The following ESPN variants were observed in gnomAD, a reference collection of about 807,000 sequenced individuals.
ESPN encodes the protein autosomal recessive deafness type 36 protein.
Under a neutral mutation model 77.7 loss-of-function variants are expected in ESPN, and 68 were observed. The ratio of observed to expected loss-of-function variants is 0.87; its 90% CI spans 0.72 to 1.07. ESPN has a LOEUF of 1.07. ESPN is among the 50% of genes least tolerant of loss of function. The pLI, the probability that ESPN is intolerant of heterozygous loss-of-function variation, is 0.00. For missense variants in ESPN, 1,060 were observed against 1,239.0 expected, an observed-to-expected ratio of 0.86 and a Z score of 2.17; for synonymous variants, 449 against 567.1, an observed-to-expected ratio of 0.79 and a Z score of 2.96.
chr1:6,428,282 C>A lies in ESPN; in HGVS notation c.351C>A (p.Pro117=), dbSNP rs763679338. The change falls in exon 2 of 13, where the codon CCC becomes CCA. Residue 117 remains proline (P), a synonymous_variant. Coordinates refer to ENST00000645284, the MANE Select transcript of ESPN (RefSeq NM_031475.3). This position sits in a 1 kb window ranked among gnomAD's most constrained non-coding sequence, Gnocchi z 5.4. Reference sequence around the variant, plus strand: ...ATCTGGCTGCCCGCTTCGGCCACCCCGAGGTGGTGAACTGGCTCTTGCATC... The same window carrying A: ...ATCTGGCTGCCCGCTTCGGCCACCCAGAGGTGGTGAACTGGCTCTTGCATC... ...VLHLAARFGH[P]EVVNWLLHHG... The A allele has an allele frequency of 6.2e-7, 1 of 1,613,460 alleles. No homozygotes were observed. Among genetic ancestry groups the A allele is most frequent in the East Asian group, 2.2e-5 (1 of 44,868 alleles).
At chr1:6,457,149 C>G (rs1644070623) in intron 10 of ESPN, 35 bp from the exon 11 acceptor site, 1 of 1,564,410 alleles carries the variant, frequency 6.4e-7, no homozygotes, top group African/African-American at 1.4e-5. Context: ...TCTCCCAGCC[C>G]CTGCAGGCCC....
Position 6,440,319 on chromosome 1 carries a change from T to C in ESPN, c.554T>C (p.Leu185Pro), listed in dbSNP as rs1471846725. Residue 185 changes from leucine (L) to proline (P), a missense_variant, in exon 3 of 13, where the codon CTG becomes CCG. This residue lies in a region of ESPN where 556 missense variants were observed against 633.6 expected (regional missense o/e 0.88). Coordinates refer to ENST00000645284, the MANE Select transcript of ESPN (RefSeq NM_031475.3). ...PLYLACQEGH[L>P]EVTQYLVQEC... ...TACCTGGCGTGCCAGGAGGGCCACCTGGAGGTGACCCAGTACCTGGTGCAG... is the reference window on the plus strand; with the variant it reads ...TACCTGGCGTGCCAGGAGGGCCACCCGGAGGTGACCCAGTACCTGGTGCAG... 1.4e-5 allele frequency: 22 copies of C among 1,567,584 alleles called. No individual in the cohort carries two copies. The highest frequency in any genetic ancestry group is 1.8e-5 in the Non-Finnish European group (21 of 1,156,424).
Position 6,460,870 on chromosome 1 carries a change from G to C in ESPN, c.*724G>C. 6.2e-6 allele frequency: 2 copies of C among 322,082 alleles called. No individual in the cohort carries two copies. The highest frequency in any genetic ancestry group is 1.8e-4 in the East Asian group (2 of 10,814). 20.0% of individuals were successfully genotyped at this position (322,082 alleles called of 1,614,324 possible). On this transcript the variant is annotated 3_prime_UTR_variant, in exon 13 of 13. Transcript: ENST00000645284. ...CCCTGACCCTGTGTCTCCAACTGCT[G>C]CACCCCATCCCGACCCTGTCTCCGC...
At position 6,424,897 on chromosome 1, in the gene ESPN, C is replaced by T. The variant is rs1389558529; in HGVS notation, c.-59C>T. ...CGGGCTCCTCTGGCCCGCAAGAACA[C>T]GTGCATGGCGTCCTGGGGAAGGCGC... On this transcript the variant is annotated 5_prime_UTR_variant, in exon 1 of 13. In the 5' UTR this introduces an upstream ATG that the reference lacks. Coordinates refer to ENST00000645284, the MANE Select transcript of ESPN (RefSeq NM_031475.3). 5 of 1,383,678 alleles carry T rather than the reference C, an allele frequency of 3.6e-6. No homozygotes were observed. Among genetic ancestry groups the T allele is most frequent in the Non-Finnish European group, 3.7e-6 (4 of 1,068,342 alleles). 85.7% of individuals were successfully genotyped at this position (1,383,678 alleles called of 1,614,324 possible).
chr1:6,437,171 C>T lies in ESPN; in HGVS notation c.489-3083C>T, dbSNP rs4908895. 11,433 of 152,322 alleles carry T rather than the reference C, an allele frequency of 0.075. 470 individuals are homozygous for T. Among genetic ancestry groups the T allele is most frequent in the Non-Finnish European group, 0.086 (5,835 of 68,034 alleles). 9.4% of individuals were successfully genotyped at this position (152,322 alleles called of 1,614,324 possible). ...AACTTGGGCTGGGAATGCCAGCCAGCGGCCCTGCAGGAGGCTGTGGGTACC... is the reference window on the plus strand; with the variant it reads ...AACTTGGGCTGGGAATGCCAGCCAGTGGCCCTGCAGGAGGCTGTGGGTACC... On this transcript the variant is annotated intron_variant, in intron 2 of 12. Transcript: ENST00000645284. This position sits in a 1 kb window ranked among gnomAD's most constrained non-coding sequence, Gnocchi z 4.5.
At chr1:6,444,717 G>A in intron 6 of ESPN, 35 bp downstream of exon 6, 2 of 1,612,206 alleles carry the variant, frequency 1.2e-6, no homozygotes, top group Non-Finnish European at 1.7e-6. Flanking sequence ...GGGAGGGAGA[G>A]CAGACTGAAG....
intron 10 of ESPN, among the ~76,000 whole-genome samples, chr1:6,452,333 T>C (rs764819844): frequency 2.6e-5 from 4 of 151,980 alleles, no homozygotes; most frequent in Non-Finnish European, 4.4e-5. Context: ...GCCTCCCAGG[T>C]AGCTGGGATT....
At chr1:6,442,475 G>A (rs1643672289) in intron 5 of ESPN, among the ~76,000 whole-genome samples, 1 of 151,912 alleles carries the variant, frequency 6.6e-6, no homozygotes, top group African/African-American at 2.4e-5. Context: ...TCGGGAGGCT[G>A]AGGCAGGAAA....
rs1338396090 is a variant in ESPN, at chr1:6,445,774, C to A, written c.1303C>A (p.Pro435Thr). The A allele has an allele frequency of 6.8e-7, 1 of 1,476,810 alleles. No individual in the cohort carries two copies. Among genetic ancestry groups the A allele is most frequent in the African/African-American group, 1.4e-5 (1 of 70,256 alleles). 91.5% of individuals were successfully genotyped at this position (1,476,810 alleles called of 1,614,324 possible). A position where few individuals can be genotyped will look rare whatever the true frequency, so the allele number is the denominator to read the frequency against. The change falls in exon 7 of 13, where the codon CCC becomes ACC. Residue 435 changes from proline to threonine, a missense_variant. Physicochemically the swap from Pro to Thr is conservative, Grantham distance 38 (BLOSUM62 -1). Transcript: ENST00000645284. ...GAAGCCCACACCCCCACCACCCCCACCCAGCTTCCCCCCGCCACCCCCGCC... is the reference window on the plus strand; with the variant it reads ...GAAGCCCACACCCCCACCACCCCCAACCAGCTTCCCCCCGCCACCCCCGCC... ...IGKPTPPPPP[P>T]SFPPPPPPPG...
chr1:6,424,987 G>A lies in ESPN; in HGVS notation c.32G>A (p.Arg11Gln), dbSNP rs1459966352. Reference protein sequence around the residue: MALEQALQAARQGELDVLRSL... With the variant: MALEQALQAAQQGELDVLRSL... ...CTGGAGCAGGCGCTGCAGGCGGCGC[G>A]GCAGGGCGAGCTGGACGTGCTGAGG... The change falls in exon 1 of 13, where the codon CGG becomes CAG. Residue 11 changes from arginine (R) to glutamine (Q), a missense_variant. Transcript: ENST00000645284. The A allele has an allele frequency of 4.1e-6, 6 of 1,458,946 alleles. No individual in the cohort carries two copies. The South Asian group carries it at 6.5e-5, about 16-fold the overall frequency. 90.4% of individuals were successfully genotyped at this position (1,458,946 alleles called of 1,614,324 possible). A position where few individuals can be genotyped will look rare whatever the true frequency, so the allele number is the denominator to read the frequency against.
Position 6,451,463 on chromosome 1 carries a change from A to T in ESPN, c.1916-140A>T, listed in dbSNP as rs1643941239. The T allele has an allele frequency of 8.2e-7, 1 of 1,216,124 alleles. No individual in the cohort carries two copies. Among genetic ancestry groups the T allele is most frequent in the East Asian group, 2.6e-5 (1 of 39,202 alleles). 75.3% of individuals were successfully genotyped at this position (1,216,124 alleles called of 1,614,324 possible). ...CTGAAACCTGCCTGCAGGACCTGGG[A>T]TCTGGAGAGCTGCCCGCTGGCCCGG... On this transcript the variant is annotated intron_variant, in intron 8 of 12. Coordinates refer to ENST00000645284, the MANE Select transcript of ESPN (RefSeq NM_031475.3). The surrounding 1 kb of genome is among the most constrained non-coding windows in gnomAD (Gnocchi z 4.3).
rs549610807 is a variant in ESPN at position 6,438,834 on chromosome 1, G to A, written c.489-1420G>A. ...ATGGTCATAGTAATAGTTGATGGCC[G>A]GGTGCGGTGGCTCACACCTGTAATC... is the stretch of plus-strand genomic sequence containing the variant. On this transcript the variant is annotated intron_variant, in intron 2 of 12. Transcript: ENST00000645284. Among the ~76,000 whole-genome samples the A allele has an allele frequency of 2.0e-5, 3 of 152,362 alleles. No homozygotes were observed. In the South Asian group the frequency reaches 6.2e-4, roughly 32 times the overall value.
At chr1:6,425,695 G>A (rs548896747) in intron 1 of ESPN, among the ~76,000 whole-genome samples, 1 of 152,382 alleles carries the variant, frequency 6.6e-6, no homozygotes, top group South Asian at 2.1e-4. Context: ...CAGCCAGGGT[G>A]TGGGGGAAGG....
At chr1:6,454,575 G>A in intron 10 of ESPN, 1 of 398,996 alleles carries the variant, frequency 2.5e-6, no homozygotes, top group East Asian at 3.6e-5. Flanking sequence ...GAACCTGCAG[G>A]TGCTGCACAA....
chr1:6,455,707 G>A, intron 10 of ESPN: 1 of 399,098 alleles, frequency 2.5e-6, no homozygotes, highest in Non-Finnish European at 4.4e-6. Flanking sequence ...CGCAAGTTCC[G>A]CCACCTACTG....
chr1:6,460,515 C>T lies in ESPN; in HGVS notation c.*369C>T. ...GGGCTCAGCCCCCTCCAGGATGCAG[C>T]CCCCTCCCCCGCACCCCGGAACCGG... On this transcript the variant is annotated 3_prime_UTR_variant, in exon 13 of 13. Coordinates refer to ENST00000645284, the MANE Select transcript of ESPN (RefSeq NM_031475.3). 5.2e-6 allele frequency: 1 copy of T among 190,504 alleles called. No individual in the cohort carries two copies. Among genetic ancestry groups the T allele is most frequent in the Non-Finnish European group, 1.1e-5 (1 of 91,520 alleles). 11.8% of individuals were successfully genotyped at this position (190,504 alleles called of 1,614,324 possible).
chr1:6,429,618 A>G (rs1643167659), intron 2 of ESPN, among the ~76,000 whole-genome samples: 1 of 152,182 alleles, frequency 6.6e-6, no homozygotes, highest in Non-Finnish European at 1.5e-5. Flanking sequence ...GGCGGGACCA[A>G]TATGGCCCAA....
chr1:6,440,366 G>T lies in ESPN; in HGVS notation c.601G>T (p.Ala201Ser), dbSNP rs1183809304. ...LVQECGADPHARAHDGMTPLH... is the reference protein window; with the variant it reads ...LVQECGADPHSRAHDGMTPLH... Reference sequence around the variant, plus strand: ...GCAGGAATGCGGCGCAGACCCGCACGCGCGCGCCCACGACGGCATGACCCC... The same window carrying T: ...GCAGGAATGCGGCGCAGACCCGCACTCGCGCGCCCACGACGGCATGACCCC... Residue 201 changes from alanine (A) to serine (S), a missense_variant, in exon 3 of 13, where the codon GCG becomes TCG. By Grantham distance (99) the Ala-to-Ser change is moderately conservative. Coordinates refer to ENST00000645284, the MANE Select transcript of ESPN (RefSeq NM_031475.3). 1 of 1,587,104 alleles carries T rather than the reference G, an allele frequency of 6.3e-7. No homozygotes were observed. Among genetic ancestry groups the T allele is most frequent in the Admixed American group, 1.8e-5 (1 of 57,030 alleles).
rs1642974824 is a variant in ESPN, at chr1:6,424,852, G to A, written c.-104G>A. 6.0e-6 allele frequency: 7 copies of A among 1,163,062 alleles called. No individual in the cohort carries two copies. In the East Asian group the frequency reaches 2.4e-4, roughly 40 times the overall value. 72.0% of individuals were successfully genotyped at this position (1,163,062 alleles called of 1,614,324 possible). A position where few individuals can be genotyped will look rare whatever the true frequency, so the allele number is the denominator to read the frequency against. On this transcript the variant is annotated 5_prime_UTR_variant, in exon 1 of 13. Coordinates refer to ENST00000645284, the MANE Select transcript of ESPN (RefSeq NM_031475.3). ...CAGCCGCTCCGCCTCCCGGCCCGCAGATCCCCGACGGCCGCACCGCGGGCT... is the reference window on the plus strand; with the variant it reads ...CAGCCGCTCCGCCTCCCGGCCCGCAAATCCCCGACGGCCGCACCGCGGGCT...
Sources: gnomAD v4.1 joint callset for allele counts (sites outside exome capture counted in the v4.1 genomes callset) on GRCh38, gnomAD v4.1.1 for gene constraint, gnomAD v4.1.1 regional missense constraint, Gnocchi (gnomAD v3.1) non-coding constraint, MANE v1.5 for transcripts, NCBI Gene and HGNC (gene_info 2026-07-23, HGNC 2026-07-21) for gene names.